The following PRKG1 variants were observed in gnomAD, a reference collection of about 807,000 sequenced individuals.
The protein encoded by PRKG1 is protein kinase cGMP-dependent 1, also known as cGMP-dependent protein kinase 1.
Under a neutral mutation model 88.1 loss-of-function variants are expected in PRKG1, and 35 were observed. The ratio of observed to expected loss-of-function variants is 0.40; its 90% CI spans 0.30 to 0.53. The LOEUF is 0.53. Ranked by LOEUF, PRKG1 falls within the 20% of genes least tolerant of loss-of-function variation. PRKG1 has a pLI of 0.59. For missense variants in PRKG1, 540 were observed against 839.8 expected (o/e 0.64, Z 4.41); for synonymous variants, 303 against 292.5 (o/e 1.04, Z -0.37).
intron 5 of PRKG1, among the ~76,000 whole-genome samples, chr10:52,015,784 A>G (rs886753661): frequency 1.4e-4 from 22 of 152,266 alleles, no homozygotes; most frequent in African/African-American, 5.1e-4. Flanking sequence ...CTGCTTAGGA[A>G]TCTCTTCTGC....
chr10:52,289,019 G>T, intron 16 of PRKG1, 26 bp downstream of exon 16: 1 of 1,579,544 alleles, frequency 6.3e-7, no homozygotes, highest in Non-Finnish European at 8.6e-7. Context: ...GCAGAGTTCT[G>T]AACACGTGAC....
chr10:51,999,209 A>C (rs1266736721), intron 5 of PRKG1, among the ~76,000 whole-genome samples: 1 of 152,242 alleles, frequency 6.6e-6, no homozygotes, highest in Non-Finnish European at 1.5e-5. Context: ...TTATGAATAC[A>C]GCTTACTACC....
intron 1 of PRKG1, among the ~76,000 whole-genome samples, chr10:51,061,464 T>C (rs1056772049): frequency 3.9e-5 from 6 of 152,180 alleles, no homozygotes; most frequent in African/African-American, 1.4e-4. Context: ...TTTATATTTA[T>C]TGTGCTAGTC....
intron 5 of PRKG1, among the ~76,000 whole-genome samples, chr10:51,982,210 G>T (rs759619176): frequency 2.6e-5 from 4 of 152,110 alleles, no homozygotes; most frequent in Admixed American, 6.5e-5. Flanking sequence ...GTCAGCTCCT[G>T]TATCATTTTA....
rs994701468 is a variant in PRKG1, at chr10:51,562,753, T to C, written c.592+94917T>C. 2.6e-5 allele frequency among the ~76,000 whole-genome samples: 4 copies of C among 152,104 alleles called. 1 individual carries two copies. On this transcript the variant is annotated intron_variant, in intron 3 of 17. Transcript: ENST00000373980. ...AACATTTATCAATGTTATTTTTAAA[T>C]GTAAGCATCATACTTTATTTATTTA...
At chr10:51,392,675 G>A (rs938608324) in intron 2 of PRKG1, among the ~76,000 whole-genome samples, 2 of 151,722 alleles carry the variant, frequency 1.3e-5, no homozygotes, top group African/African-American at 4.8e-5. Context: ...TGGTGGCTGG[G>A]CAGAGGGGCT....
intron 9 of PRKG1, among the ~76,000 whole-genome samples, chr10:52,185,583 C>G (rs922599185): frequency 4.6e-5 from 7 of 152,170 alleles, no homozygotes; most frequent in African/African-American, 1.7e-4. Flanking sequence ...GGTGGGGACT[C>G]TTTGCAGGGG....
chr10:51,217,609 A>G (rs1483200026), intron 2 of PRKG1, among the ~76,000 whole-genome samples: 1 of 152,170 alleles, frequency 6.6e-6, no homozygotes, highest in Non-Finnish European at 1.5e-5. Flanking sequence ...GCCTCTGCCC[A>G]CAAACAGTCC....
intron 4 of PRKG1, among the ~76,000 whole-genome samples, chr10:51,858,016 A>C (rs1167706858): frequency 7.0e-6 from 1 of 142,884 alleles, no homozygotes; most frequent in African/African-American, 2.6e-5. Flanking sequence ...GTGTGTCTTT[A>C]AAGGCAGGAA....
rs115629427 is a variant in PRKG1 at position 51,684,415 on chromosome 10, T to C, written c.593-120170T>C. ...GTAGGTGTGGTGGTGGCTGCACAAC[T>C]CTATGACTATCGTAACAACCATTAC... On this transcript the variant is annotated intron_variant, in intron 3 of 17. Transcript: ENST00000373980. Among the ~76,000 whole-genome samples, 1,091 of 152,190 alleles carry C rather than the reference T, an allele frequency of 7.2e-3. 15 individuals are homozygous for C. The highest frequency in any genetic ancestry group is 0.024 in the African/African-American group (987 of 41,516).
intron 5 of PRKG1, among the ~76,000 whole-genome samples, chr10:52,011,903 C>G (rs73339302): frequency 6.6e-6 from 1 of 152,048 alleles, no homozygotes; most frequent in East Asian, 1.9e-4. Context: ...ATGGGAGATT[C>G]TCTGCACAAG....
intron 8 of PRKG1, among the ~76,000 whole-genome samples, chr10:52,147,915 G>A (rs1428499976): frequency 1.3e-5 from 2 of 152,166 alleles, no homozygotes; most frequent in African/African-American, 4.8e-5. Flanking sequence ...TGAGGTACAG[G>A]TGAGACATGC....
chr10:51,736,380 T>C (rs1343912931), intron 3 of PRKG1, among the ~76,000 whole-genome samples: 2 of 152,110 alleles, frequency 1.3e-5, no homozygotes, highest in African/African-American at 4.8e-5. Flanking sequence ...CCTCCCGAAG[T>C]GTTGGGATCA....
intron 3 of PRKG1, among the ~76,000 whole-genome samples, chr10:51,660,840 C>T (rs145567877): frequency 3.3e-5 from 5 of 151,964 alleles, no homozygotes; most frequent in East Asian, 1.9e-4. Flanking sequence ...TTGTGACTTC[C>T]GTGATTGCAA....
At chr10:52,146,967 A>G (rs1837745518) in intron 8 of PRKG1, among the ~76,000 whole-genome samples, 1 of 152,216 alleles carries the variant, frequency 6.6e-6, no homozygotes, top group Admixed American at 6.5e-5. Context: ...GGCATTAGTT[A>G]CATCACCGTC....
Position 51,147,644 on chromosome 10 carries a change from T to TTACAATGTATGTAATACATAA in PRKG1, c.312-5504_312-5503insCATAATACAATGTATGTAATA, listed in dbSNP as rs531271363. ...GAAGGCAATTGACAATTGGTAAATATTACAATGTATGTAATAAAAGATAAA... is the reference window on the plus strand; with the variant it reads ...GAAGGCAATTGACAATTGGTAAATATTACAATGTATGTAATACATAATACAATGTATGTAATAAAAGATAAA... On this transcript the variant is annotated intron_variant, in intron 1 of 17. Coordinates refer to ENST00000373980, the MANE Select transcript of PRKG1 (RefSeq NM_006258.4). Among the ~76,000 whole-genome samples the TTACAATGTATGTAATACATAA allele has an allele frequency of 8.5e-5, 13 of 152,304 alleles. No homozygotes were observed. The East Asian group carries it at 2.5e-3, about 29-fold the overall frequency.
intron 3 of PRKG1, among the ~76,000 whole-genome samples, chr10:51,792,819 G>T (rs922069582): frequency 9.2e-5 from 14 of 152,028 alleles, no homozygotes; most frequent in Non-Finnish European, 1.8e-4. Context: ...ACACTGTTGG[G>T]AGTTACTGTG....
At chr10:51,991,350 A>G (rs890538011) in intron 5 of PRKG1, among the ~76,000 whole-genome samples, 2 of 152,118 alleles carry the variant, frequency 1.3e-5, no homozygotes, top group African/African-American at 4.8e-5. Flanking sequence ...TGCTATAAAA[A>G]TGGTGAAAGT....
At chr10:51,033,455 A>G (rs1436789659) in intron 1 of PRKG1, among the ~76,000 whole-genome samples, 1 of 152,174 alleles carries the variant, frequency 6.6e-6, no homozygotes, top group Non-Finnish European at 1.5e-5. Context: ...CAGTCTCACT[A>G]TAGGACATGT....
Sources: allele counts gnomAD v4.1 joint callset (sites outside exome capture counted in the v4.1 genomes callset), GRCh38; gene constraint gnomAD v4.1.1; transcripts MANE v1.5; gene names NCBI Gene and HGNC (gene_info 2026-07-23, HGNC 2026-07-21).